Variants in CDK8 observed in about 807,000 individuals in gnomAD.
The protein encoded by CDK8 is cyclin-dependent kinase 8.
CDK8 carries 29 observed loss-of-function variants against 71.5 expected under a neutral mutation model. The ratio of observed to expected loss-of-function variants is 0.41; its 90% confidence interval spans 0.30 to 0.55. CDK8 has a LOEUF of 0.55. Among genes scored for constraint, CDK8 ranks in the 20% least tolerant of loss-of-function variants. The pLI is 0.37. For missense variants in CDK8, 288 were observed against 572.6 expected (o/e 0.50, Z 5.07); for synonymous variants, 161 against 192.1 (o/e 0.84, Z 1.34).
In CDK8 at chr13:26,262,956, C is replaced by G. The variant is rs545689745; in HGVS notation, c.128+8187C>G. ...TGAATTCTAACAAATAATCATCCTA[C>G]AGAGAGGAATTTTTACATCATGATG... is the stretch of plus-strand genomic sequence containing the variant. On this transcript the variant is annotated intron_variant, in intron 1 of 12. Transcript: ENST00000381527. 2.4e-4 allele frequency among the ~76,000 whole-genome samples: 37 copies of G among 152,298 alleles called. No individual in the cohort carries two copies. In the South Asian group the frequency reaches 7.7e-3, roughly 32 times the overall value.
chr13:26,332,412 G>A (rs1226326020), intron 1 of CDK8, among the ~76,000 whole-genome samples: 2 of 151,944 alleles, frequency 1.3e-5, no homozygotes, highest in Non-Finnish European at 2.9e-5. Context: ...TTGAACCCAG[G>A]AGGCGGAGGC....
intron 1 of CDK8, among the ~76,000 whole-genome samples, chr13:26,272,714 T>C (rs1872388095): frequency 6.6e-6 from 1 of 152,232 alleles, no homozygotes; most frequent in African/African-American, 2.4e-5. Flanking sequence ...GTATGTGCTA[T>C]ACATGACGGG....
chr13:26,312,803 T>A (rs1874348999), intron 1 of CDK8, among the ~76,000 whole-genome samples: 1 of 152,206 alleles, frequency 6.6e-6, no homozygotes, highest in South Asian at 2.1e-4. Context: ...TGATTCTTTA[T>A]GTTTCCGGAG....
chr13:26,268,256 A>ACAC (rs1872125882), intron 1 of CDK8, among the ~76,000 whole-genome samples: 4 of 116,764 alleles, frequency 3.4e-5, no homozygotes, highest in African/African-American at 1.1e-4. Flanking sequence ...CCCCTCCCCC[A>ACAC]ACACACACAC....
At chr13:26,347,273 A>T (rs1336660863) in intron 2 of CDK8, among the ~76,000 whole-genome samples, 4 of 152,198 alleles carry the variant, frequency 2.6e-5, no homozygotes, top group Admixed American at 2.6e-4. Context: ...TTGTTATTTT[A>T]TGAAAAGTTA....
At chr13:26,301,749 T>G (rs1873834181) in intron 1 of CDK8, among the ~76,000 whole-genome samples, 1 of 152,230 alleles carries the variant, frequency 6.6e-6, no homozygotes, top group Non-Finnish European at 1.5e-5. Context: ...ACAGTAGAAC[T>G]AATTTTATTC....
intron 1 of CDK8, among the ~76,000 whole-genome samples, chr13:26,273,071 GT>G (rs1233146974): frequency 1.3e-5 from 2 of 152,116 alleles, no homozygotes; most frequent in East Asian, 3.9e-4. Flanking sequence ...AAACTTCTAT[GT>G]TTTTTCCTAA....
Position 26,302,326 on chromosome 13 carries a change from T to C in CDK8, c.129-35241T>C, listed in dbSNP as rs192028923. On this transcript the variant is annotated intron_variant, in intron 1 of 12. Coordinates refer to ENST00000381527, the MANE Select transcript of CDK8 (RefSeq NM_001260.3). Reference sequence around the variant, plus strand: ...TAAAACTCGTTGGTTTCTTATACAATTCAAGGTTTCACCCAAAGGGTCTTC... The same window carrying C: ...TAAAACTCGTTGGTTTCTTATACAACTCAAGGTTTCACCCAAAGGGTCTTC... Among the ~76,000 whole-genome samples, 3 of 152,348 alleles carry C rather than the reference T, an allele frequency of 2.0e-5. No individual in the cohort carries two copies. In the East Asian group the frequency reaches 5.8e-4, roughly 29 times the overall value.
At chr13:26,293,679 G>C (rs1873409227) in intron 1 of CDK8, among the ~76,000 whole-genome samples, 1 of 150,518 alleles carries the variant, frequency 6.6e-6, no homozygotes. Context: ...ACAAATTTTT[G>C]TGATATACAG....
chr13:26,354,816 C>T (rs79144310), intron 4 of CDK8, among the ~76,000 whole-genome samples: 1,801 of 152,268 alleles, frequency 0.012, 22 homozygotes, highest in Middle Eastern at 0.041. Flanking sequence ...GCTGGTCTAG[C>T]ATATTATTAT....
intron 4 of CDK8, among the ~76,000 whole-genome samples, chr13:26,361,785 T>C (rs1418662496): frequency 1.7e-4 from 3 of 18,012 alleles, no homozygotes. Flanking sequence ...TTCTTTTCCC[T>C]TTTTTTTTTT....
rs1874505317 is a variant in CDK8 at position 26,368,585 on chromosome 13, T to G, written c.457-14229T>G. On this transcript the variant is annotated intron_variant, in intron 4 of 12. Coordinates refer to ENST00000381527, the MANE Select transcript of CDK8 (RefSeq NM_001260.3). ...AAGATTTAAAAAGAAAAGTAAAAAT[T>G]GGAATCCATGAAATGCATTTTCTTC... Among the ~76,000 whole-genome samples the G allele has an allele frequency of 2.0e-5, 3 of 152,206 alleles. No individual in the cohort carries two copies. In the East Asian group the frequency reaches 5.8e-4, roughly 29 times the overall value.
In CDK8 at chr13:26,297,416, G is replaced by A. The variant is rs182368755; in HGVS notation, c.129-40151G>A. Among the ~76,000 whole-genome samples the A allele has an allele frequency of 3.9e-5, 6 of 152,284 alleles. No individual in the cohort carries two copies. The East Asian group carries it at 1.2e-3, about 29-fold the overall frequency. On this transcript the variant is annotated intron_variant, in intron 1 of 12. Transcript: ENST00000381527. ...TTAAAGCATGACAGTCACTAACCTTGTTCTATGGATCTTGGTCAAGATCTT... is the reference window on the plus strand; with the variant it reads ...TTAAAGCATGACAGTCACTAACCTTATTCTATGGATCTTGGTCAAGATCTT...
At chr13:26,261,399 A>C (rs747386746) in intron 1 of CDK8, among the ~76,000 whole-genome samples, 30 of 152,210 alleles carry the variant, frequency 2.0e-4, no homozygotes, top group Admixed American at 1.3e-4. Context: ...TGCAACCACC[A>C]TCACTGTCTA....
At chr13:26,353,013 G>A (rs1873746258) in intron 3 of CDK8, among the ~76,000 whole-genome samples, 2 of 152,206 alleles carry the variant, frequency 1.3e-5, no homozygotes, top group South Asian at 2.1e-4. Context: ...CTGCAGCCGA[G>A]TTATAGATTT....
intron 6 of CDK8, among the ~76,000 whole-genome samples, chr13:26,388,907 C>T (rs1286234420): frequency 2.0e-5 from 3 of 152,046 alleles, no homozygotes; most frequent in African/African-American, 7.2e-5. Context: ...GTTAGGAGGA[C>T]CAAATATGAA....
intron 6 of CDK8, among the ~76,000 whole-genome samples, chr13:26,388,009 A>G (rs1875561821): frequency 6.6e-6 from 1 of 152,196 alleles, no homozygotes; most frequent in Non-Finnish European, 1.5e-5. Context: ...ACTTGAATGA[A>G]TCTTGTCTCT....
chr13:26,270,330 G>C (rs1026333793), intron 1 of CDK8, among the ~76,000 whole-genome samples: 3 of 151,390 alleles, frequency 2.0e-5, no homozygotes, highest in Non-Finnish European at 2.9e-5. Context: ...TGGAGGTTGC[G>C]GTGAGCCAAG....
intron 1 of CDK8, among the ~76,000 whole-genome samples, chr13:26,265,371 A>G (rs1313324016): frequency 6.6e-6 from 1 of 152,188 alleles, no homozygotes; most frequent in African/African-American, 2.4e-5. Context: ...GGAAGTACCT[A>G]ATCTGCCCTT....
Sources: gnomAD v4.1 joint callset for allele counts (sites outside exome capture counted in the v4.1 genomes callset) on GRCh38, gnomAD v4.1.1 for gene constraint, MANE v1.5 for transcripts, NCBI Gene and HGNC (gene_info 2026-07-23, HGNC 2026-07-21) for gene names.